SDHA: variants seen among roughly 807,000 people sequenced by gnomAD.
SDHA encodes the protein succinate dehydrogenase [ubiquinone] flavoprotein subunit, mitochondrial.
Under a neutral mutation model 78.4 loss-of-function variants are expected in SDHA, and 48 were observed. That is an observed-to-expected ratio of 0.61 (90% CI 0.49 to 0.78). The LOEUF (loss-of-function observed/expected upper bound fraction) is 0.78, where lower values mean the gene tolerates loss of function less well. Among genes scored for constraint, SDHA ranks in the 30% least tolerant of loss-of-function variants. SDHA has a pLI of 0.00. For synonymous variants in SDHA, 326 were observed against 353.9 expected (o/e 0.92, Z 0.88); for missense variants, 680 against 892.7 (o/e 0.76, Z 3.04).
chr5:232,268 T>C (rs747391473), intron 7 of SDHA, among the ~76,000 whole-genome samples: 1 of 152,182 alleles, frequency 6.6e-6, no homozygotes, highest in Non-Finnish European at 1.5e-5. Flanking sequence ...TGGAGTGCAG[T>C]GGAGCAATCT....
At chr5:258,079 C>T (rs1486152583), downstream of SDHA, among the ~76,000 whole-genome samples, 1 of 9,102 alleles carries the variant, frequency 1.1e-4, no homozygotes, top group African/African-American at 4.8e-4. Flanking sequence ...TGAGCTCCGC[C>T]TCCTGCCATA....
downstream of SDHA, among the ~76,000 whole-genome samples, chr5:257,770 G>C (rs1174454481): frequency 1.1e-5 from 1 of 92,300 alleles, no homozygotes; most frequent in Non-Finnish European, 2.0e-5. Context: ...CTCCGCCCCT[G>C]CCAGAGCATT....
the SDHA span, among the ~76,000 whole-genome samples, chr5:262,161 A>C: frequency 2.0e-5 from 2 of 100,166 alleles, no homozygotes; most frequent in African/African-American, 5.1e-5. Context: ...GCCTCCCGTC[A>C]GAGCATTACC....
chr5:220,266 C>T (rs1209751361), intron 1 of SDHA: 1 of 452,272 alleles, frequency 2.2e-6, no homozygotes, highest in Non-Finnish European at 4.5e-6. Context: ...GCAAACTGTT[C>T]GAAAGCAGTT....
rs115607762 is a variant in SDHA at position 256,809 on chromosome 5, T to C, written c.*389T>C. The C allele has an allele frequency of 2.2e-3, 601 of 274,914 alleles. 3 individuals are homozygous for C. The highest frequency in any genetic ancestry group is 0.013 in the African/African-American group (554 of 42,030). The allele number at this position is 274,914 out of a possible 1,614,324, so 17.0% of individuals were successfully genotyped here. A position where few individuals can be genotyped will look rare whatever the true frequency, so the allele number is the denominator to read the frequency against. ...CAAAATCCAGATATTTTGTATAGTT[T>C]CTTTTTTCTTTTTCTTTTCTTTTTT... On this transcript the variant is annotated 3_prime_UTR_variant, in exon 15 of 15. Transcript: ENST00000264932.
intron 7 of SDHA, 92 bp from the exon 8 acceptor site, chr5:233,385 T>A: frequency 7.2e-7 from 1 of 1,391,302 alleles, no homozygotes; most frequent in Non-Finnish European, 1.0e-6. Flanking sequence ...ATCTTTTTCC[T>A]CTTTCCCCCA....
At chr5:220,731 T>A (rs1363428507) in intron 1 of SDHA, among the ~76,000 whole-genome samples, 2 of 152,106 alleles carry the variant, frequency 1.3e-5, no homozygotes, top group African/African-American at 4.8e-5. Context: ...TAGTGAGGAT[T>A]CTGTGGGTAA....
At chr5:246,100 C>G (rs1346527191) in intron 11 of SDHA, among the ~76,000 whole-genome samples, 1 of 152,200 alleles carries the variant, frequency 6.6e-6, no homozygotes, top group Non-Finnish European at 1.5e-5. Context: ...CCAGAGAAGA[C>G]TCGAGCTGCA....
chr5:233,112 G>A (rs949578165), intron 7 of SDHA, among the ~76,000 whole-genome samples: 2 of 152,210 alleles, frequency 1.3e-5, no homozygotes, highest in Admixed American at 6.5e-5. Context: ...CTTCAAGCTA[G>A]TATTCTTAAC....
chr5:229,552 C>T (rs1234558878), intron 6 of SDHA, among the ~76,000 whole-genome samples: 1 of 152,226 alleles, frequency 6.6e-6, no homozygotes, highest in Non-Finnish European at 1.5e-5. Flanking sequence ...ACAGTCACAA[C>T]TCACAGAAAC....
intron 6 of SDHA, among the ~76,000 whole-genome samples, chr5:229,844 T>A (rs1735276396): frequency 8.2e-6 from 1 of 121,848 alleles, no homozygotes. Flanking sequence ...TACAGCATGC[T>A]GGCTATCGTT....
intron 10 of SDHA, among the ~76,000 whole-genome samples, chr5:239,605 T>G (rs10057626): frequency 0.24 from 36,587 of 151,258 alleles, 6,843 homozygotes; most frequent in African/African-American, 0.53. Flanking sequence ...TGAGAGCACA[T>G]AAGAGTCCAA....
rs987450610 is a variant in SDHA, at chr5:255,810, C to T, written c.1909-524C>T. On this transcript the variant is annotated intron_variant, in intron 14 of 14. Coordinates refer to ENST00000264932, the MANE Select transcript of SDHA (RefSeq NM_004168.4). The stretch of plus-strand genomic sequence containing the variant: ...GAAATAAGAGCTCACTAACCAGAGA[C>T]GACCCATTATGGTTTAAATTTCTTT... Among the ~76,000 whole-genome samples, 19 of 152,250 alleles carry T rather than the reference C, an allele frequency of 1.2e-4. No individual in the cohort carries two copies. The East Asian group carries it at 2.1e-3, about 17-fold the overall frequency.
intron 6 of SDHA, 80 bp from the exon 7 acceptor site, chr5:230,796 G>T (rs540620459): frequency 1.3e-6 from 2 of 1,578,586 alleles, no homozygotes; most frequent in African/African-American, 2.7e-5. Flanking sequence ...GGGGGCTGCC[G>T]TGTCCATTCT....
chr5:248,264 T>C (rs907365501), intron 11 of SDHA, among the ~76,000 whole-genome samples: 2 of 152,164 alleles, frequency 1.3e-5, no homozygotes, highest in African/African-American at 4.8e-5. Context: ...GTTGCAGCCA[T>C]GTCAAGACTG....
At chr5:231,621 G>A (rs145846903) in intron 7 of SDHA, among the ~76,000 whole-genome samples, 43 of 151,940 alleles carry the variant, frequency 2.8e-4, no homozygotes, top group African/African-American at 9.4e-4. Context: ...CAACGAGGTC[G>A]TCAGCTCCTC....
At chr5:234,418 CAAAAA>C (rs70955218) in intron 8 of SDHA, 5 of 43,818 alleles carry the variant, frequency 1.1e-4, no homozygotes, top group South Asian at 2.3e-3. Flanking sequence ...CACTCTGTCT[CAAAAA>C]AAAAAAAAAA....
intron 11 of SDHA, among the ~76,000 whole-genome samples, chr5:242,824 C>T (rs553912514): frequency 2.8e-4 from 43 of 152,256 alleles, no homozygotes; most frequent in South Asian, 1.7e-3. Context: ...GGCTCTGGTT[C>T]GTTCCACCTT....
chr5:226,018 C>G lies in SDHA; in HGVS notation c.592C>G (p.His198Asp). The part of the protein sequence containing the change: ...RCCCVADRTG[H>D]SLLHTLYGRS... ...CTGCTGTGTGGCTGATCGGACTGGCCACTCGCTATTGCACACCTTATATGG... is the reference window on the plus strand; with the variant it reads ...CTGCTGTGTGGCTGATCGGACTGGCGACTCGCTATTGCACACCTTATATGG... Residue 198 changes from histidine to aspartate, a missense_variant, in exon 5 of 15, where the codon CAC (histidine) becomes GAC (aspartate). By Grantham distance (81) the His-to-Asp change is moderately conservative. Transcript: ENST00000264932. The G allele has an allele frequency of 6.2e-7, 1 of 1,614,164 alleles. No individual in the cohort carries two copies. The highest frequency in any genetic ancestry group is 1.1e-5 in the South Asian group (1 of 91,072).
Sources: allele counts gnomAD v4.1 joint callset (sites outside exome capture counted in the v4.1 genomes callset), GRCh38; gene constraint gnomAD v4.1.1; transcripts MANE v1.5; gene names NCBI Gene and HGNC (gene_info 2026-07-23, HGNC 2026-07-21).